ROCK2: variants seen among roughly 807,000 people sequenced by gnomAD.
ROCK2 encodes the protein rho-associated protein kinase 2.
ROCK2 carries 61 observed loss-of-function variants against 195.1 expected under a neutral mutation model. The ratio of observed to expected loss-of-function variants is 0.31; its 90% CI spans 0.25 to 0.39. ROCK2 has a LOEUF of 0.39. Among genes scored for constraint, ROCK2 ranks in the 10% least tolerant of loss-of-function variants. ROCK2 has a pLI of 1.00. For synonymous variants in ROCK2, 504 were observed against 545.5 expected, an observed-to-expected ratio of 0.92 and a Z score of 1.06; for missense variants, 1,109 against 1,637.4, an observed-to-expected ratio of 0.68 and a Z score of 5.57.
At chr2:11,222,561 T>C (rs565381869) in intron 7 of ROCK2, among the ~76,000 whole-genome samples, 297 of 152,282 alleles carry the variant, frequency 2.0e-3, no homozygotes, top group African/African-American at 5.8e-3. Context: ...ACTTCCCTAA[T>C]AGAAATATTA....
chr2:11,225,844 G>A (rs992022332), intron 6 of ROCK2, among the ~76,000 whole-genome samples: 7 of 152,090 alleles, frequency 4.6e-5, no homozygotes, highest in Non-Finnish European at 8.8e-5. Context: ...ACTTTGAAAG[G>A]CCCAAAATAA....
Position 11,181,952 on chromosome 2 carries a change from C to T in ROCK2, c.*1485G>A, listed in dbSNP as rs979352799. 1 of 151,232 alleles carries T rather than the reference C, an allele frequency of 6.6e-6. No individual in the cohort carries two copies. The highest frequency in any genetic ancestry group is 1.5e-5 in the Non-Finnish European group (1 of 67,902). The allele number at this position is 151,232 out of a possible 1,614,324, so 9.4% of individuals were successfully genotyped here. On this transcript the variant is annotated 3_prime_UTR_variant, in exon 33 of 33. Coordinates refer to ENST00000315872, the MANE Select transcript of ROCK2 (RefSeq NM_004850.5). ...CTGGCCAGATGATGTATTTAAATAT[C>T]ATACCAAACTCTGTGTATTTATATA...
In ROCK2 at chr2:11,207,654, CCA is replaced by C. The variant is rs1242371120; in HGVS notation, c.2549+70_2549+71del. The C allele has an allele frequency of 6.7e-5, 81 of 1,202,856 alleles. 1 individual carries two copies. In the East Asian group the frequency reaches 2.0e-3, roughly 30 times the overall value. 74.5% of individuals were successfully genotyped at this position (1,202,856 alleles called of 1,614,324 possible). Reference sequence around the variant, plus strand: ...GAAAGTAAAATGCTCAAAAGAAAATCCACAGATACACCAAAATTAACTTATAC... The same window carrying C: ...GAAAGTAAAATGCTCAAAAGAAAATCCAGATACACCAAAATTAACTTATAC... On this transcript the variant is annotated intron_variant, in intron 20 of 32. Coordinates refer to ENST00000315872, the MANE Select transcript of ROCK2 (RefSeq NM_004850.5).
Position 11,194,312 on chromosome 2 carries a change from G to T in ROCK2, c.3552C>A (p.Phe1184Leu). 6.8e-7 allele frequency: 1 copy of T among 1,467,356 alleles called. No individual in the cohort carries two copies. Among genetic ancestry groups the T allele is most frequent in the South Asian group, 1.5e-5 (1 of 67,886 alleles). The allele number at this position is 1,467,356 out of a possible 1,614,324, so 90.9% of individuals were successfully genotyped here. The change falls in exon 29 of 33, where the codon TTC becomes TTA. Residue 1184 changes from phenylalanine to leucine, a missense_variant. Coordinates refer to ENST00000315872, the MANE Select transcript of ROCK2 (RefSeq NM_004850.5). ...YVIVSSKKIL[F>L]YDSEQDKEQS... ...GTTCTTTATCTTGTTCACTGTCATA[G>T]AAAAGAATCTTCTTACTGCTTACAA...
At chr2:11,341,025 G>A (rs902942908) in intron 1 of ROCK2, among the ~76,000 whole-genome samples, 2 of 151,828 alleles carry the variant, frequency 1.3e-5, no homozygotes, top group African/African-American at 2.4e-5. Flanking sequence ...ACAAAGCATA[G>A]GTATTTACCC....
At chr2:11,216,800 C>G (rs1002920074) in intron 12 of ROCK2, among the ~76,000 whole-genome samples, 4 of 152,164 alleles carry the variant, frequency 2.6e-5, no homozygotes, top group African/African-American at 9.7e-5. Context: ...TCTCAGCTCA[C>G]TGCAACCTCT....
At chr2:11,317,239 T>C (rs898128073) in intron 1 of ROCK2, among the ~76,000 whole-genome samples, 5 of 151,810 alleles carry the variant, frequency 3.3e-5, no homozygotes, top group African/African-American at 1.2e-4. Flanking sequence ...TTTAGTCACT[T>C]TTACAGGGCA....
At chr2:11,309,398 T>C (rs1469529019) in intron 1 of ROCK2, among the ~76,000 whole-genome samples, 1 of 152,178 alleles carries the variant, frequency 6.6e-6, no homozygotes, top group Non-Finnish European at 1.5e-5. Flanking sequence ...TATGTACGCG[T>C]GTGTGCATAT....
intron 3 of ROCK2, among the ~76,000 whole-genome samples, chr2:11,280,480 A>T (rs1216021748): frequency 6.6e-6 from 1 of 151,532 alleles, no homozygotes; most frequent in Non-Finnish European, 1.5e-5. Flanking sequence ...AAAAAAAAAA[A>T]TTGAGCCATT....
chr2:11,201,837 G>A lies in ROCK2; in HGVS notation c.2619+215C>T, dbSNP rs943408940. Among the ~76,000 whole-genome samples the A allele has an allele frequency of 6.6e-6, 1 of 152,110 alleles. No homozygotes were observed. The highest frequency in any genetic ancestry group is 1.5e-5 in the Non-Finnish European group (1 of 68,020). ...ATTACAATTTTATTTCTTGCATTAT[G>A]AAAATATTTTCTTCCTGAAAACAAT... On this transcript the variant is annotated intron_variant, in intron 21 of 32. Coordinates refer to ENST00000315872, the MANE Select transcript of ROCK2 (RefSeq NM_004850.5). The surrounding 1 kb of genome is among the most constrained non-coding windows in gnomAD (Gnocchi z 4.6).
chr2:11,258,570 G>C (rs1387197687), intron 3 of ROCK2, among the ~76,000 whole-genome samples: 2 of 151,362 alleles, frequency 1.3e-5, no homozygotes. Flanking sequence ...AAAGTGTGGA[G>C]AGAGCCTATG....
intron 3 of ROCK2, among the ~76,000 whole-genome samples, chr2:11,253,727 T>C (rs538242710): frequency 7.2e-5 from 11 of 152,380 alleles, no homozygotes; most frequent in Admixed American, 1.3e-4. Flanking sequence ...TCAATTAATA[T>C]CTGCAAAAAT....
At chr2:11,316,163 G>A (rs1668186104) in intron 1 of ROCK2, among the ~76,000 whole-genome samples, 1 of 152,032 alleles carries the variant, frequency 6.6e-6, no homozygotes, top group Admixed American at 6.6e-5. Context: ...GGTAACTATT[G>A]TAAAGGCAAA....
chr2:11,277,013 C>T (rs548109208), intron 3 of ROCK2, among the ~76,000 whole-genome samples: 2 of 152,122 alleles, frequency 1.3e-5, no homozygotes, highest in Admixed American at 6.5e-5. Flanking sequence ...ACAGAAAAAC[C>T]GAATAGGGTA....
intron 25 of ROCK2, 126 bp downstream of exon 25, chr2:11,198,365 T>C (rs1203323509): frequency 4.7e-6 from 3 of 641,138 alleles, no homozygotes; most frequent in Admixed American, 3.2e-5. Context: ...AATCAGGTAA[T>C]TGTGACTTCA....
rs150758231 is a variant in ROCK2, at chr2:11,311,108, C to T, written c.142-23372G>A. Among the ~76,000 whole-genome samples, 3 of 152,006 alleles carry T rather than the reference C, an allele frequency of 2.0e-5. No individual in the cohort carries two copies. The East Asian group carries it at 5.8e-4, about 29-fold the overall frequency. On this transcript the variant is annotated intron_variant, in intron 1 of 32. Transcript: ENST00000315872. ...AATATATCAAGCCCCTGAAATTCTACTATCTAGTACAGTGAAACACTTTTT... is the reference window on the plus strand; with the variant it reads ...AATATATCAAGCCCCTGAAATTCTATTATCTAGTACAGTGAAACACTTTTT...
intron 3 of ROCK2, among the ~76,000 whole-genome samples, chr2:11,269,009 G>GTAT: frequency 6.6e-6 from 1 of 152,104 alleles, no homozygotes; most frequent in East Asian, 1.9e-4. Context: ...CAAGTTTGCT[G>GTAT]ATTCTTCTGC....
chr2:11,344,855 C>T (rs1418194984), upstream of ROCK2, among the ~76,000 whole-genome samples: 2 of 150,880 alleles, frequency 1.3e-5, no homozygotes, highest in Non-Finnish European at 3.0e-5. This position sits in a 1 kb window ranked among gnomAD's most constrained non-coding sequence, Gnocchi z 5.4. Context: ...AGGCGAATAG[C>T]CGGGCGCGCG....
intron 32 of ROCK2, among the ~76,000 whole-genome samples, chr2:11,189,103 A>G (rs1370936363): frequency 2.0e-5 from 3 of 152,120 alleles, no homozygotes; most frequent in Non-Finnish European, 4.4e-5. Flanking sequence ...ACAAAGAAAG[A>G]CACAGAGGAA....
Sources: gnomAD v4.1 joint callset for allele counts (sites outside exome capture counted in the v4.1 genomes callset) on GRCh38, gnomAD v4.1.1 for gene constraint, Gnocchi (gnomAD v3.1) non-coding constraint, MANE v1.5 for transcripts, NCBI Gene and HGNC (gene_info 2026-07-23, HGNC 2026-07-21) for gene names.